Variants in PARP6 observed in about 807,000 individuals in gnomAD.
The protein encoded by PARP6 is protein mono-ADP-ribosyltransferase PARP6.
A neutral mutation model predicts 92.0 loss-of-function variants in PARP6; 27 were observed. The observed-to-expected ratio is 0.29, with a 90% CI of 0.22 to 0.40. The LOEUF (loss-of-function observed/expected upper bound fraction) is 0.40. Ranked by LOEUF, PARP6 falls within the 10% of genes least tolerant of loss-of-function variation. The pLI is 1.00. For synonymous variants in PARP6, 272 were observed against 281.2 expected, an observed-to-expected ratio of 0.97 and a Z score of 0.33; for missense variants, 501 against 784.5, an observed-to-expected ratio of 0.64 and a Z score of 4.32.
intron 4 of PARP6, 26 bp downstream of exon 4, chr15:72,266,719 G>T (rs4776589): frequency 1.3e-6 from 2 of 1,542,518 alleles, no homozygotes; most frequent in African/African-American, 1.4e-5. Flanking sequence ...CATCCAACAC[G>T]GGGGTCTTGG....
At chr15:72,271,340 G>C (rs972525946) in intron 1 of PARP6, 53 bp from the exon 2 acceptor site, 4 of 152,170 alleles carry the variant, frequency 2.6e-5, no homozygotes, top group African/African-American at 9.7e-5. Flanking sequence ...GTTCAAGCAA[G>C]AGACAGTTCA....
chr15:72,254,262 A>G (rs2140980547), intron 15 of PARP6, among the ~76,000 whole-genome samples, 193 bp downstream of exon 15: 1 of 152,322 alleles, frequency 6.6e-6, no homozygotes, highest in South Asian at 2.1e-4. Flanking sequence ...CACAAAGACT[A>G]AAGAGAATAA....
chr15:72,257,788 ATCTT>A (rs1420697343), intron 12 of PARP6, among the ~76,000 whole-genome samples: 35 of 152,334 alleles, frequency 2.3e-4, no homozygotes, highest in African/African-American at 8.2e-4. Flanking sequence ...ATATCCAATC[ATCTT>A]GGTCAATATC....
Position 72,251,040 on chromosome 15 carries a change from C to T in PARP6, c.1309-86G>A, listed in dbSNP as rs2084283159. The T allele has an allele frequency of 2.0e-5, 22 of 1,112,512 alleles. No homozygotes were observed. In the South Asian group the frequency reaches 2.6e-4, roughly 13 times the overall value. The allele number at this position is 1,112,512 out of a possible 1,614,324, so 68.9% of individuals were successfully genotyped here. On this transcript the variant is annotated intron_variant, in intron 17 of 23. Coordinates refer to ENST00000569795, the MANE Select transcript of PARP6 (RefSeq NM_001323532.2). ...AAGGGTTGGGGATAGGGGAAAAAAT[C>T]AGGCTTGCATTAACCCCACACAAGG...
chr15:72,268,606 G>A (rs2086926033), intron 2 of PARP6, among the ~76,000 whole-genome samples: 1 of 152,228 alleles, frequency 6.6e-6, no homozygotes, highest in South Asian at 2.1e-4. Context: ...GCTGAGGCAG[G>A]AGAATCGCTT....
chr15:72,261,429 A>T, intron 9 of PARP6, 129 bp downstream of exon 9: 1 of 782,006 alleles, frequency 1.3e-6, no homozygotes, highest in South Asian at 1.6e-5. Context: ...GGACCATGTG[A>T]GTGGTGTCAG....
At chr15:72,256,019 G>A (rs946658911) in intron 14 of PARP6, among the ~76,000 whole-genome samples, 1 of 151,164 alleles carries the variant, frequency 6.6e-6, no homozygotes, top group Non-Finnish European at 1.5e-5. Flanking sequence ...GGATGGTCTC[G>A]ATCTCCTGAC....
At chr15:72,250,823 G>GCCCACCCC in intron 18 of PARP6, 22 bp downstream of exon 18, 2 of 1,219,500 alleles carry the variant, frequency 1.6e-6, no homozygotes, top group Non-Finnish European at 2.4e-6. Flanking sequence ...CACCCCCACT[G>GCCCACCCC]CCCAGCCCCC....
At chr15:72,249,607 C>CA (rs147337052) in intron 19 of PARP6, among the ~76,000 whole-genome samples, 4,319 of 152,204 alleles carry the variant, frequency 0.028, 92 homozygotes, top group Non-Finnish European at 0.044. Flanking sequence ...ATGCAGATTC[C>CA]AAAAAAGAGG....
In PARP6 at chr15:72,260,503, G is replaced by C; in HGVS notation, c.731C>G (p.Pro244Arg). 3 of 1,614,124 alleles carry C rather than the reference G, an allele frequency of 1.9e-6. No individual in the cohort carries two copies. Among genetic ancestry groups the C allele is most frequent in the Non-Finnish European group, 2.5e-6 (3 of 1,179,948 alleles). The change falls in exon 10 of 24, where the codon CCT becomes CGT. Residue 244 changes from proline (P) to arginine (R), a missense_variant. This residue lies in a region of PARP6 where 291 missense variants were observed against 352.0 expected (regional missense o/e 0.83). Transcript: ENST00000569795. ...CAAAGGAGAGGTCCGTGCTGGGGGA[G>C]GGAGGCCCACGTGCTGAGGGCACAG... ...GLLCPQHVGL[P>R]PPARTSPLVS...
In PARP6 at chr15:72,241,478, C is replaced by T. The variant is rs575396369; in HGVS notation, c.1870G>A (p.Gly624Arg). The change falls in exon 24 of 24, where the codon GGA (glycine) becomes AGA (arginine). Residue 624 changes from glycine (G) to arginine (R), a missense_variant. Around this residue, in one of 4 missense-constraint regions of PARP6, gnomAD observed 17 missense variants for 16.5 expected, o/e 1.03. Coordinates refer to ENST00000569795, the MANE Select transcript of PARP6 (RefSeq NM_001323532.2). The surrounding 1 kb of genome is among the most constrained non-coding windows in gnomAD (Gnocchi z 4.1). ...CCTCAGTTTGTGTAAACCTGAGTTCCGATCACACGCATGATTTCCTTCTGT... is the reference window on the plus strand; with the variant it reads ...CCTCAGTTTGTGTAAACCTGAGTTCTGATCACACGCATGATTTCCTTCTGT... ...KIQKEIMRVIGTQVYTN is the reference protein window; with the variant it reads ...KIQKEIMRVIRTQVYTN 7 of 1,614,062 alleles carry T rather than the reference C, an allele frequency of 4.3e-6. No individual in the cohort carries two copies. Among genetic ancestry groups the T allele is most frequent in the African/African-American group, 2.7e-5 (2 of 75,044 alleles).
chr15:72,241,472 G>A lies in PARP6; in HGVS notation c.1876C>T (p.Gln626Ter), dbSNP rs1328155316. The change falls in exon 24 of 24, where the codon CAG becomes TAG. Residue 626 changes from glutamine to a stop codon, truncating the protein, a stop_gained. Coordinates refer to ENST00000569795, the MANE Select transcript of PARP6 (RefSeq NM_001323532.2). LOFTEE classifies it high-confidence loss of function. The surrounding 1 kb of genome is among the most constrained non-coding windows in gnomAD (Gnocchi z 4.1). ...GGGCCCCCTCAGTTTGTGTAAACCT[G>A]AGTTCCGATCACACGCATGATTTCC... Reference protein sequence around the residue: ...QKEIMRVIGTQVYTN With the variant: ...QKEIMRVIGT 1 of 1,614,026 alleles carries A rather than the reference G, an allele frequency of 6.2e-7. No homozygotes were observed. Among genetic ancestry groups the A allele is most frequent in the Non-Finnish European group, 8.5e-7 (1 of 1,179,854 alleles).
intron 11 of PARP6, among the ~76,000 whole-genome samples, chr15:72,258,836 T>C (rs2085474514): frequency 6.6e-6 from 1 of 152,246 alleles, no homozygotes; most frequent in South Asian, 2.1e-4. Flanking sequence ...TAATGGGACA[T>C]GCAAGAGACT....
chr15:72,270,805 A>G (rs1177985490), intron 2 of PARP6, among the ~76,000 whole-genome samples: 1 of 152,242 alleles, frequency 6.6e-6, no homozygotes, highest in East Asian at 1.9e-4. Context: ...GTTCTAACAT[A>G]TAAAATGTTT....
chr15:72,241,330 C>A lies in PARP6; in HGVS notation c.*125G>T, dbSNP rs1403451722. On this transcript the variant is annotated 3_prime_UTR_variant, in exon 24 of 24. Transcript: ENST00000569795. This position sits in a 1 kb window ranked among gnomAD's most constrained non-coding sequence, Gnocchi z 4.1. ...CCATGAAGGCCACCTCTTACATATCCTTTTCCTGCCCCTTGGTAATGGCCC... is the reference window on the plus strand; with the variant it reads ...CCATGAAGGCCACCTCTTACATATCATTTTCCTGCCCCTTGGTAATGGCCC... 1.4e-6 allele frequency: 1 copy of A among 736,822 alleles called. No individual in the cohort carries two copies. The allele number at this position is 736,822 out of a possible 1,614,324, so 45.6% of individuals were successfully genotyped here.
chr15:72,253,825 G>A (rs1162485808), intron 15 of PARP6: 2 of 500,302 alleles, frequency 4.0e-6, no homozygotes, highest in African/African-American at 1.9e-5. Flanking sequence ...ATTAGGCTAA[G>A]GAATCCTGTG....
At chr15:72,268,117 A>T (rs7183810) in intron 2 of PARP6, among the ~76,000 whole-genome samples, 83,535 of 152,194 alleles carry the variant, frequency 0.55, 27,853 homozygotes, top group Non-Finnish European at 0.73. Flanking sequence ...GTGCATATAC[A>T]TGCACACTTG....
intron 19 of PARP6, 30 bp downstream of exon 19, chr15:72,249,990 G>A (rs1013681921): frequency 6.9e-7 from 1 of 1,450,078 alleles, no homozygotes; most frequent in African/African-American, 1.4e-5. Context: ...GGAGCGGTTA[G>A]AAATAAAGGA....
At chr15:72,243,547 T>C (rs2083290985) in intron 20 of PARP6, 1 of 152,250 alleles carries the variant, frequency 6.6e-6, no homozygotes. Context: ...AGTTTCCACA[T>C]TATCTAAATC....
Sources: allele counts gnomAD v4.1 joint callset (sites outside exome capture counted in the v4.1 genomes callset), GRCh38; gene constraint gnomAD v4.1.1; regional missense constraint gnomAD v4.1.1; non-coding constraint Gnocchi (gnomAD v3.1); transcripts MANE v1.5; gene names NCBI Gene and HGNC (gene_info 2026-07-23, HGNC 2026-07-21).